Variants in GAP43 observed in about 807,000 individuals in gnomAD.
The protein encoded by GAP43 is growth associated protein 43.
In GAP43, 6 loss-of-function variants were observed where a neutral mutation model predicts 18.6. That is an observed-to-expected ratio of 0.32 (90% CI 0.18 to 0.64). The LOEUF (loss-of-function observed/expected upper bound fraction) is 0.64, where lower values mean the gene tolerates loss of function less well. Ranked by LOEUF, GAP43 falls within the 30% of genes least tolerant of loss-of-function variation. The pLI is 0.78. For missense variants in GAP43, 292 were observed against 295.5 expected, an observed-to-expected ratio of 0.99 and a Z score of 0.09; for synonymous variants, 115 against 111.4, an observed-to-expected ratio of 1.03 and a Z score of -0.20.
chr3:115,668,477 T>C (rs886095236), intron 1 of GAP43, among the ~76,000 whole-genome samples: 1 of 152,120 alleles, frequency 6.6e-6, no homozygotes, highest in African/African-American at 2.4e-5. Flanking sequence ...CAGGCTGGAG[T>C]GCAATGGTGT....
At chr3:115,705,102 C>G (rs191865968) in intron 2 of GAP43, among the ~76,000 whole-genome samples, 1 of 152,298 alleles carries the variant, frequency 6.6e-6, no homozygotes, top group East Asian at 1.9e-4. Context: ...TCTGGCTAAT[C>G]TCAAGTACTA....
At chr3:115,713,419 T>C (rs1709465236) in intron 2 of GAP43, among the ~76,000 whole-genome samples, 1 of 152,128 alleles carries the variant, frequency 6.6e-6, no homozygotes, top group Admixed American at 6.6e-5. Flanking sequence ...TTCAGTAATG[T>C]AGGGCTGTGG....
chr3:115,648,923 G>A (rs1322187279), intron 1 of GAP43, among the ~76,000 whole-genome samples: 2 of 152,108 alleles, frequency 1.3e-5, no homozygotes, highest in African/African-American at 2.4e-5. Flanking sequence ...TAGGAATAAA[G>A]AGACCATTGA....
intron 1 of GAP43, among the ~76,000 whole-genome samples, chr3:115,653,221 C>T (rs1175318144): frequency 2.6e-5 from 4 of 152,168 alleles, no homozygotes; most frequent in Admixed American, 6.5e-5. Flanking sequence ...GGGCAGATAA[C>T]TTGAAGTCAG....
chr3:115,710,685 G>A (rs570231831), intron 2 of GAP43, among the ~76,000 whole-genome samples: 1 of 152,144 alleles, frequency 6.6e-6, no homozygotes, highest in East Asian at 1.9e-4. Context: ...CATGGTTAGA[G>A]TTCATAGCAA....
rs764002340 is a variant in GAP43, at chr3:115,676,508, G to A, written c.526G>A (p.Ala176Thr). ...AGCCGATGTGCCTGCTGCTGTCACT[G>A]CTGCTGCTGCCACCACCCCTGCCGC... ...KQADVPAAVT[A>T]AAATTPAAED... Residue 176 changes from alanine to threonine, a missense_variant, in exon 2 of 3, where the codon GCT becomes ACT. Ala to Thr is a moderately conservative substitution (Grantham distance 58). Coordinates refer to ENST00000305124, the MANE Select transcript of GAP43 (RefSeq NM_002045.4). The A allele has an allele frequency of 1.2e-6, 2 of 1,612,318 alleles. No individual in the cohort carries two copies. Among genetic ancestry groups the A allele is most frequent in the South Asian group, 2.2e-5 (2 of 90,854 alleles).
In GAP43 at chr3:115,640,879, C is replaced by T. The variant is rs376716947; in HGVS notation, c.30+17160C>T. 1.9e-4 allele frequency among the ~76,000 whole-genome samples: 29 copies of T among 152,020 alleles called. No individual in the cohort carries two copies. The East Asian group carries it at 2.9e-3, about 15-fold the overall frequency. ...AATAAAACTGGTACTATTTTCTCCA[C>T]GTGAAATTCTCTTTCTTTCTCTTTT... On this transcript the variant is annotated intron_variant, in intron 1 of 2. Transcript: ENST00000305124.
chr3:115,684,528 C>G (rs1305014300), intron 2 of GAP43, among the ~76,000 whole-genome samples: 2 of 151,512 alleles, frequency 1.3e-5, no homozygotes. Flanking sequence ...AAGGGCTGCC[C>G]AAGAGTTCAG....
At chr3:115,672,900 A>C (rs1420738006) in intron 1 of GAP43, among the ~76,000 whole-genome samples, 1 of 152,126 alleles carries the variant, frequency 6.6e-6, no homozygotes, top group Non-Finnish European at 1.5e-5. Flanking sequence ...GAAGTCCAGC[A>C]GTTTCTCCAG....
chr3:115,673,191 T>C (rs1708836648), intron 1 of GAP43, among the ~76,000 whole-genome samples: 1 of 152,200 alleles, frequency 6.6e-6, no homozygotes, highest in Admixed American at 6.5e-5. Context: ...ATTCTGATTT[T>C]TTAGAAAATT....
At chr3:115,708,940 G>GTTTTTTTTTTTTTTTTTTT (rs3086974) in intron 2 of GAP43, among the ~76,000 whole-genome samples, 70 of 99,766 alleles carry the variant, frequency 7.0e-4, no homozygotes, top group African/African-American at 9.9e-4. Flanking sequence ...AACTGGCTGG[G>GTTTTTTTTTTTTTTTTTTT]TTTTTTTTTT....
intron 1 of GAP43, among the ~76,000 whole-genome samples, chr3:115,646,949 T>C (rs775492074): frequency 3.3e-5 from 5 of 151,964 alleles, no homozygotes; most frequent in Non-Finnish European, 7.4e-5. Flanking sequence ...GTATGGGACA[T>C]TGTGATGGGG....
At position 115,716,769 on chromosome 3, in the gene GAP43, C is replaced by CACAG. The variant is rs1553725798; in HGVS notation, c.629-4024_629-4023insCAGA. 2.2e-4 allele frequency among the ~76,000 whole-genome samples: 12 copies of CACAG among 54,680 alleles called. 1 individual carries two copies. The highest frequency in any genetic ancestry group is 6.8e-4 in the African/African-American group (11 of 16,060). 35.9% of individuals were successfully genotyped at this position (54,680 alleles called of 152,430 possible). ...ATATATATATATATATATATATATACAGAGAGAGAGAGAGAGAGAGAGTTT... is the reference window on the plus strand; with the variant it reads ...ATATATATATATATATATATATATACACAGAGAGAGAGAGAGAGAGAGAGAGTTT... On this transcript the variant is annotated intron_variant, in intron 2 of 2. Coordinates refer to ENST00000305124, the MANE Select transcript of GAP43 (RefSeq NM_002045.4).
chr3:115,669,971 A>ATTTTTTTTTTTTTTTTT (rs1253749079), intron 1 of GAP43, among the ~76,000 whole-genome samples: 2 of 95,456 alleles, frequency 2.1e-5, no homozygotes, highest in South Asian at 3.4e-4. Context: ...TTTTATTTTT[A>ATTTTTTTTTTTTTTTTT]TTTTTTTTTT....
intron 2 of GAP43, among the ~76,000 whole-genome samples, chr3:115,691,491 A>G (rs1709109321): frequency 1.3e-5 from 2 of 152,244 alleles, no homozygotes; most frequent in South Asian, 4.1e-4. Context: ...GATCATGTGT[A>G]AAAGGTGTCT....
At chr3:115,719,412 G>T (rs1399249806) in intron 2 of GAP43, among the ~76,000 whole-genome samples, 4 of 152,138 alleles carry the variant, frequency 2.6e-5, no homozygotes, top group Non-Finnish European at 4.4e-5. Flanking sequence ...GTGGTTCCAG[G>T]TGCCTAAAAT....
Position 115,623,625 on chromosome 3 carries a change from G to T in GAP43, c.-65G>T. The T allele has an allele frequency of 6.3e-7, 1 of 1,596,282 alleles. No homozygotes were observed. ...GCGAGCAGAAAAGAGGTGGAGAGGG[G>T]GGGAATAAGAAAGAGAGAGAAGGAA... On this transcript the variant is annotated 5_prime_UTR_variant, in exon 1 of 3. Coordinates refer to ENST00000305124, the MANE Select transcript of GAP43 (RefSeq NM_002045.4).
intron 1 of GAP43, among the ~76,000 whole-genome samples, chr3:115,667,979 A>G (rs899232007): frequency 6.6e-6 from 1 of 152,102 alleles, no homozygotes. Context: ...TCCTTTGAGC[A>G]TGTCATTTCT....
At chr3:115,700,472 C>A (rs1212178636) in intron 2 of GAP43, among the ~76,000 whole-genome samples, 1 of 152,072 alleles carries the variant, frequency 6.6e-6, no homozygotes, top group Non-Finnish European at 1.5e-5. Flanking sequence ...CTTTCTAGTC[C>A]CTTCTTGTGA....
Sources: gnomAD v4.1 joint callset for allele counts (sites outside exome capture counted in the v4.1 genomes callset) on GRCh38, gnomAD v4.1.1 for gene constraint, MANE v1.5 for transcripts, NCBI Gene and HGNC (gene_info 2026-07-23, HGNC 2026-07-21) for gene names.